VAV2: variants seen among roughly 807,000 people sequenced by gnomAD.
VAV2 encodes the protein guanine nucleotide exchange factor VAV2.
In VAV2, 67 loss-of-function variants were observed where a neutral mutation model predicts 132.5. That is an observed-to-expected ratio of 0.51 (90% CI 0.42 to 0.62). The LOEUF is 0.62. Ranked by LOEUF, VAV2 falls within the 20% of genes least tolerant of loss-of-function variation. VAV2 has a pLI of 0.00. For synonymous variants in VAV2, 492 were observed against 443.5 expected (o/e 1.11, Z -1.37); for missense variants, 938 against 1,153.6 (o/e 0.81, Z 2.71).
Position 133,877,747 on chromosome 9 carries a change from T to C in VAV2, c.322-16315A>G, listed in dbSNP as rs557692803. On this transcript the variant is annotated intron_variant, in intron 2 of 29. Coordinates refer to ENST00000371850, the MANE Select transcript of VAV2 (RefSeq NM_001134398.2). ...AGTAGCCATCACCTGGAGGGGCTGATGGGTTTCCAGTGGCTTCACTGGCCT... is the reference window on the plus strand; with the variant it reads ...AGTAGCCATCACCTGGAGGGGCTGACGGGTTTCCAGTGGCTTCACTGGCCT... Among the ~76,000 whole-genome samples, 3 of 152,330 alleles carry C rather than the reference T, an allele frequency of 2.0e-5. No individual in the cohort carries two copies. The East Asian group carries it at 5.8e-4, about 29-fold the overall frequency.
chr9:133,869,221 C>T (rs990619666), intron 2 of VAV2, among the ~76,000 whole-genome samples: 8 of 152,076 alleles, frequency 5.3e-5, no homozygotes, highest in African/African-American at 1.9e-4. Context: ...AGTCTAACCT[C>T]AGGTGATCCG....
rs1358739779 is a variant in VAV2 at position 133,792,200 on chromosome 9, CTG to C, written c.1102-333_1102-332del. Among the ~76,000 whole-genome samples the C allele has an allele frequency of 6.1e-4, 41 of 67,292 alleles. 1 individual carries two copies. The highest frequency in any genetic ancestry group is 7.7e-4 in the Non-Finnish European group (27 of 35,210). The allele number at this position is 67,292 out of a possible 152,430, so 44.1% of individuals were successfully genotyped here. On this transcript the variant is annotated intron_variant, in intron 12 of 29. Transcript: ENST00000371850. ...GCTGTACTGGGTGGGGTGTGTGTGACTGTGTGTGTGAGCTGGTTGTGCTGGTT... is the reference window on the plus strand; with the variant it reads ...GCTGTACTGGGTGGGGTGTGTGTGACTGTGTGTGAGCTGGTTGTGCTGGTT...
At position 133,833,642 on chromosome 9, in the gene VAV2, G is replaced by A. The variant is rs972801609; in HGVS notation, c.449+630C>T. 6.6e-6 allele frequency among the ~76,000 whole-genome samples: 1 copy of A among 152,054 alleles called. No homozygotes were observed. Among genetic ancestry groups the A allele is most frequent in the Non-Finnish European group, 1.5e-5 (1 of 67,976 alleles). ...TCCTACCTCCCTCCTCCTGGAGCGG[G>A]CCACGTGATCCCACCCTGGTCACAG... On this transcript the variant is annotated intron_variant, in intron 4 of 29. Transcript: ENST00000371850. This position sits in a 1 kb window ranked among gnomAD's most constrained non-coding sequence, Gnocchi z 5.6.
intron 18 of VAV2, 63 bp downstream of exon 18, chr9:133,784,252 GCT>G: frequency 6.6e-7 from 1 of 1,526,094 alleles, no homozygotes; most frequent in Non-Finnish European, 9.1e-7. Context: ...AGAACACTAA[GCT>G]CTCTCAGGGG....
At chr9:133,846,155 G>A (rs1269879251) in intron 3 of VAV2, among the ~76,000 whole-genome samples, 2 of 152,234 alleles carry the variant, frequency 1.3e-5, no homozygotes, top group Admixed American at 6.5e-5. Context: ...GCCCAGAGAG[G>A]TGAAGAAAGC....
At chr9:133,872,795 C>T (rs528905093) in intron 2 of VAV2, among the ~76,000 whole-genome samples, 29 of 151,628 alleles carry the variant, frequency 1.9e-4, no homozygotes, top group African/African-American at 6.8e-4. Context: ...CAGAGTCTAC[C>T]GCTCAAGAAG....
intron 3 of VAV2, among the ~76,000 whole-genome samples, chr9:133,854,407 G>A (rs931420456): frequency 6.6e-6 from 1 of 152,268 alleles, no homozygotes; most frequent in Non-Finnish European, 1.5e-5. Flanking sequence ...GGAGGCCCCA[G>A]CCATGGCTGG....
At chr9:133,916,061 T>C (rs1588365342) in intron 2 of VAV2, among the ~76,000 whole-genome samples, 2 of 151,690 alleles carry the variant, frequency 1.3e-5, no homozygotes, top group Non-Finnish European at 2.9e-5. Flanking sequence ...ACAATGCACA[T>C]GCACACAAGA....
At chr9:133,938,906 G>A (rs532394984) in intron 2 of VAV2, among the ~76,000 whole-genome samples, 197 bp downstream of exon 2, 22 of 152,296 alleles carry the variant, frequency 1.4e-4, no homozygotes, top group African/African-American at 4.3e-4. Context: ...TCCCAGCCCC[G>A]ACACACAAAT....
rs144634690 is a variant in VAV2 at position 133,857,036 on chromosome 9, G to T, written c.380+4338C>A. Among the ~76,000 whole-genome samples, 1,242 of 152,276 alleles carry T rather than the reference G, an allele frequency of 8.2e-3. 8 individuals are homozygous for T. The highest frequency in any genetic ancestry group is 0.028 in the African/African-American group (1,176 of 41,546). On this transcript the variant is annotated intron_variant, in intron 3 of 29. Coordinates refer to ENST00000371850, the MANE Select transcript of VAV2 (RefSeq NM_001134398.2). The surrounding 1 kb of genome is among the most constrained non-coding windows in gnomAD (Gnocchi z 4.0). ...CTCCCAGCCTACAGAAGAGACAAAG[G>T]TTCCAAGAGCATCCCTGCCCAAGGT...
At position 133,847,948 on chromosome 9, in the gene VAV2, T is replaced by A. The variant is rs557535332; in HGVS notation, c.380+13426A>T. On this transcript the variant is annotated intron_variant, in intron 3 of 29. Coordinates refer to ENST00000371850, the MANE Select transcript of VAV2 (RefSeq NM_001134398.2). ...GGAGGGAAAGAAGCAAGTCCAAGAG[T>A]CCACTTCAACAGCAATGGGTCTCCT... Among the ~76,000 whole-genome samples the A allele has an allele frequency of 5.9e-5, 9 of 151,676 alleles. No individual in the cohort carries two copies. In the South Asian group the frequency reaches 1.9e-3, roughly 32 times the overall value.
Position 133,806,197 on chromosome 9 carries a change from G to A in VAV2, c.736-16C>T. 6.2e-7 allele frequency: 1 copy of A among 1,606,504 alleles called. No homozygotes were observed. On this transcript the variant is annotated splice_polypyrimidine_tract_variant and intron_variant, in intron 8 of 29. Transcript: ENST00000371850. Reference sequence around the variant, plus strand: ...TGATCAGGTCCTGGGTTGAAAACCAGCCGTGAGTGCCTGGCCAGGCCCACC... The same window carrying A: ...TGATCAGGTCCTGGGTTGAAAACCAACCGTGAGTGCCTGGCCAGGCCCACC...
At chr9:133,812,325 G>A (rs954985232) in intron 4 of VAV2, 109 bp from the exon 5 acceptor site, 76 of 1,003,402 alleles carry the variant, frequency 7.6e-5, no homozygotes, top group East Asian at 4.8e-4. Flanking sequence ...GGGCCACAGC[G>A]AGGTCACCTG....
chr9:133,940,321 A>G (rs2810531), intron 1 of VAV2, among the ~76,000 whole-genome samples: 107,151 of 152,066 alleles, frequency 0.7, 37,793 homozygotes, highest in East Asian at 0.81. Context: ...CAGGATTGTC[A>G]TCCTCATCAA....
chr9:133,823,250 G>GC lies in VAV2; in HGVS notation c.449+11021dup, dbSNP rs557670366. 6.6e-6 allele frequency among the ~76,000 whole-genome samples: 1 copy of GC among 152,200 alleles called. No individual in the cohort carries two copies. The highest frequency in any genetic ancestry group is 1.5e-5 in the Non-Finnish European group (1 of 68,038). ...TTTATCTCAGCAGTGAGAAACAGAAGCAGGAAGACAAGGGAAAGTTGGTGG... is the reference window on the plus strand; with the variant it reads ...TTTATCTCAGCAGTGAGAAACAGAAGCCAGGAAGACAAGGGAAAGTTGGTGG... On this transcript the variant is annotated intron_variant, in intron 4 of 29. Coordinates refer to ENST00000371850, the MANE Select transcript of VAV2 (RefSeq NM_001134398.2). This position sits in a 1 kb window ranked among gnomAD's most constrained non-coding sequence, Gnocchi z 5.5.
chr9:133,824,805 C>A lies in VAV2; in HGVS notation c.449+9467G>T, dbSNP rs1379755211. 6.6e-6 allele frequency among the ~76,000 whole-genome samples: 1 copy of A among 152,206 alleles called. No individual in the cohort carries two copies. The highest frequency in any genetic ancestry group is 1.9e-4 in the East Asian group (1 of 5,178). ...TGGGCTCAAATTGCAGCTCTGCCCCCTAGTTCTGTACGACTCTGACCAGGT... is the reference window on the plus strand; with the variant it reads ...TGGGCTCAAATTGCAGCTCTGCCCCATAGTTCTGTACGACTCTGACCAGGT... On this transcript the variant is annotated intron_variant, in intron 4 of 29. Transcript: ENST00000371850. The surrounding 1 kb of genome is among the most constrained non-coding windows in gnomAD (Gnocchi z 5.2).
chr9:133,916,312 G>C (rs1840088520), intron 2 of VAV2, among the ~76,000 whole-genome samples: 1 of 152,278 alleles, frequency 6.6e-6, no homozygotes, highest in Non-Finnish European at 1.5e-5. Context: ...TGCCCGCGGA[G>C]CCTGTGACTT....
chr9:133,887,319 C>T (rs1054447773), intron 2 of VAV2, among the ~76,000 whole-genome samples: 4 of 152,158 alleles, frequency 2.6e-5, no homozygotes, highest in Non-Finnish European at 5.9e-5. Context: ...CAAAGCTGAA[C>T]GCAGCTGCTC....
intron 2 of VAV2, among the ~76,000 whole-genome samples, chr9:133,880,706 C>T (rs1838456102): frequency 1.3e-5 from 2 of 152,232 alleles, no homozygotes; most frequent in African/African-American, 2.4e-5. Context: ...TCATTGTAAC[C>T]AAAGCACCAA....
Sources: gnomAD v4.1 joint callset for allele counts (sites outside exome capture counted in the v4.1 genomes callset) on GRCh38, gnomAD v4.1.1 for gene constraint, Gnocchi (gnomAD v3.1) non-coding constraint, MANE v1.5 for transcripts, NCBI Gene and HGNC (gene_info 2026-07-23, HGNC 2026-07-21) for gene names.